AHNAK: variants seen among roughly 807,000 people sequenced by gnomAD.
The protein encoded by AHNAK is neuroblast differentiation-associated protein AHNAK.
A neutral mutation model predicts 37.8 loss-of-function variants in AHNAK; 23 were observed. The observed-to-expected ratio is 0.61, with a 90% CI of 0.44 to 0.86. The LOEUF (loss-of-function observed/expected upper bound fraction) is 0.86. Among genes scored for constraint, AHNAK ranks in the 40% least tolerant of loss-of-function variants. The pLI, the probability that AHNAK is intolerant of heterozygous loss-of-function variation, is 0.00. For synonymous variants in AHNAK, 2,481 were observed against 2,636.3 expected, an observed-to-expected ratio of 0.94 and a Z score of 1.80; for missense variants, 7,411 against 7,319.4, an observed-to-expected ratio of 1.01 and a Z score of -0.46.
rs1940780276 is a variant in AHNAK, at chr11:62,532,218, A to G, written c.2199T>C (p.Ile733=). Residue 733 remains isoleucine, a synonymous_variant, in exon 5 of 5, where the codon ATT becomes ATC. Coordinates refer to ENST00000378024, the MANE Select transcript of AHNAK (RefSeq NM_001620.3). ...EGELKGPKVD[I]DAPDVDVHGP... is the part of the protein sequence containing the mutation. The stretch of plus-strand genomic sequence containing the variant: ...CATGAACATCCACATCTGGGGCATC[A>G]ATGTCCACTTTTGGGCCTTTGAGTT... The G allele has an allele frequency of 6.2e-7, 1 of 1,613,650 alleles. No homozygotes were observed. The highest frequency in any genetic ancestry group is 1.3e-5 in the African/African-American group (1 of 74,742).
chr11:62,484,701 A>G (rs1939353150), intron 5 of AHNAK, among the ~76,000 whole-genome samples: 3 of 152,198 alleles, frequency 2.0e-5, no homozygotes, highest in Non-Finnish European at 1.5e-5. Context: ...GCACTTAAGC[A>G]TGCTTCCGAG....
At chr11:62,473,411 A>G (rs1295399075) in intron 5 of AHNAK, among the ~76,000 whole-genome samples, 1 of 133,564 alleles carries the variant, frequency 7.5e-6, no homozygotes, top group Non-Finnish European at 1.5e-5. Flanking sequence ...AAAAAAAAAA[A>G]AAGGCTGGGT....
intron 4 of AHNAK, 33 bp downstream of exon 4, chr11:62,534,970 C>T (rs752269729): frequency 3.1e-6 from 5 of 1,587,450 alleles, no homozygotes; most frequent in East Asian, 4.5e-5. Context: ...GCCGGGGGAG[C>T]TCAGGGCACA....
In AHNAK at chr11:62,530,374, A is replaced by G; in HGVS notation, c.4043T>C (p.Val1348Ala). ...ATCTGGCACTTTCATTTCACCTTCTACCTCAGGCAAGGACACATCCACATC... is the reference window on the plus strand; with the variant it reads ...ATCTGGCACTTTCATTTCACCTTCTGCCTCAGGCAAGGACACATCCACATC... Reference protein sequence around the residue: ...KGDVDVSLPEVEGEMKVPDVD... With the variant: ...KGDVDVSLPEAEGEMKVPDVD... Residue 1348 changes from valine to alanine, a missense_variant, in exon 5 of 5, where the codon GTA becomes GCA. Coordinates refer to ENST00000378024, the MANE Select transcript of AHNAK (RefSeq NM_001620.3). 1 of 1,613,886 alleles carries G rather than the reference A, an allele frequency of 6.2e-7. No individual in the cohort carries two copies. The highest frequency in any genetic ancestry group is 8.5e-7 in the Non-Finnish European group (1 of 1,179,992).
At position 62,532,982 on chromosome 11, in the gene AHNAK, G is replaced by T; in HGVS notation, c.1435C>A (p.Leu479Met). The T allele has an allele frequency of 6.2e-7, 1 of 1,613,998 alleles. No individual in the cohort carries two copies. Among genetic ancestry groups the T allele is most frequent in the Non-Finnish European group, 8.5e-7 (1 of 1,180,008 alleles). The change falls in exon 5 of 5, where the codon CTG (leucine) becomes ATG (methionine). Residue 479 changes from leucine (L) to methionine (M), a missense_variant. Transcript: ENST00000378024. ...VSLPEIATGG[L>M]EGKMKGTKVK... The stretch of plus-strand genomic sequence containing the variant: ...TTAGTACCTTTCATCTTTCCTTCCA[G>T]CCCACCAGTAGCAATCTCAGGCAGG...
chr11:62,458,685 T>C (rs1184445916), intron 5 of AHNAK, among the ~76,000 whole-genome samples: 1 of 152,154 alleles, frequency 6.6e-6, no homozygotes, highest in African/African-American at 2.4e-5. Flanking sequence ...ATAAACCTCT[T>C]GTGGACAGGA....
chr11:62,447,340 G>A (rs1938439707), intron 5 of AHNAK, among the ~76,000 whole-genome samples: 1 of 152,114 alleles, frequency 6.6e-6, no homozygotes, highest in Non-Finnish European at 1.5e-5. Flanking sequence ...CTTCTGCCCA[G>A]TGGGATCTAG....
downstream of AHNAK, among the ~76,000 whole-genome samples, chr11:62,513,807 G>A (rs1939958631): frequency 6.6e-6 from 1 of 152,176 alleles, no homozygotes; most frequent in Admixed American, 6.5e-5. Context: ...ACAGCTAGTT[G>A]CCTTGTCCCT....
At chr11:62,513,919 T>C (rs932864752), downstream of AHNAK, among the ~76,000 whole-genome samples, 2 of 152,148 alleles carry the variant, frequency 1.3e-5, no homozygotes, top group African/African-American at 4.8e-5. Context: ...TTGCCAGGGC[T>C]CAAGGCATTC....
intron 5 of AHNAK, among the ~76,000 whole-genome samples, chr11:62,482,328 T>C (rs1320653099): frequency 1.3e-5 from 2 of 151,914 alleles, no homozygotes; most frequent in African/African-American, 4.8e-5. Flanking sequence ...GGCAGGAGAA[T>C]CATTTGAGCC....
At position 62,522,591 on chromosome 11, in the gene AHNAK, C is replaced by T; in HGVS notation, c.11826G>A (p.Met3942Ile). 6.2e-7 allele frequency: 1 copy of T among 1,612,440 alleles called. No homozygotes were observed. The highest frequency in any genetic ancestry group is 1.1e-5 in the South Asian group (1 of 90,990). ...CTGGACCTTCTCCTTTGAAGCCAGG[C>T]ATGCTGATCTTGGGCATTTTTATCT... The part of the protein sequence containing the change: ...MPKIKMPKIS[M>I]PGFKGEGPEV... The change falls in exon 5 of 5, where the codon ATG becomes ATA. Residue 3942 changes from methionine (M) to isoleucine (I), a missense_variant. Transcript: ENST00000378024.
Position 62,521,966 on chromosome 11 carries a change from G to T in AHNAK, c.12451C>A (p.Leu4151Met). Residue 4151 changes from leucine (L) to methionine (M), a missense_variant, in exon 5 of 5, where the codon CTG (leucine) becomes ATG (methionine). Physicochemically the swap from Leu to Met is conservative, Grantham distance 15. Transcript: ENST00000378024. The stretch of plus-strand genomic sequence containing the variant: ...TTGAGGTCGCCTTCCACTTTGGGCA[G>T]AGAAACGTCCACGTCGCCCTTCATC... ...PKMKGDVDVSLPKVEGDLKGP... is the reference protein window; with the variant it reads ...PKMKGDVDVSMPKVEGDLKGP... The T allele has an allele frequency of 6.2e-7, 1 of 1,613,606 alleles. No individual in the cohort carries two copies. Among genetic ancestry groups the T allele is most frequent in the Non-Finnish European group, 8.5e-7 (1 of 1,179,926 alleles).
rs779455363 is a variant in AHNAK at position 62,533,868 on chromosome 11, C to T, written c.549G>A (p.Lys183=). 4 of 1,614,090 alleles carry T rather than the reference C, an allele frequency of 2.5e-6. No homozygotes were observed. The highest frequency in any genetic ancestry group is 1.6e-4 in the Middle Eastern group (1 of 6,084). ...TTTCAGTCAGTTCATGTCTTGGAAT[C>T]TTGATCTTGAATTCAGGGCTACTGA... is the stretch of plus-strand genomic sequence containing the variant. The part of the protein sequence containing the change: ...IDISSPEFKI[K]IPRHELTEIS... The change falls in exon 5 of 5, where the codon AAG becomes AAA. Residue 183 remains lysine, a synonymous_variant. Coordinates refer to ENST00000378024, the MANE Select transcript of AHNAK (RefSeq NM_001620.3).
At chr11:62,498,113 G>A (rs11231120) in intron 4 of AHNAK, among the ~76,000 whole-genome samples, 7,251 of 152,216 alleles carry the variant, frequency 0.048, 221 homozygotes, top group Middle Eastern at 0.095. Flanking sequence ...TCTCCAAAAC[G>A]TTAAGAGGGG....
chr11:62,533,499 A>T lies in AHNAK; in HGVS notation c.918T>A (p.Phe306Leu). ...LESGDHGKIKFPTMKVPKFGV... is the reference protein window; with the variant it reads ...LESGDHGKIKLPTMKVPKFGV... ...CAAATTTCGGCACTTTCATGGTGGGAAATTTAATTTTGCCATGATCACCAC... is the reference window on the plus strand; with the variant it reads ...CAAATTTCGGCACTTTCATGGTGGGTAATTTAATTTTGCCATGATCACCAC... Residue 306 changes from phenylalanine (F) to leucine (L), a missense_variant, in exon 5 of 5, where the codon TTT (phenylalanine) becomes TTA (leucine). By Grantham distance (22) the Phe-to-Leu change is conservative. Coordinates refer to ENST00000378024, the MANE Select transcript of AHNAK (RefSeq NM_001620.3). 1 of 1,614,090 alleles carries T rather than the reference A, an allele frequency of 6.2e-7. No homozygotes were observed. The highest frequency in any genetic ancestry group is 1.1e-5 in the South Asian group (1 of 91,070).
intron 4 of AHNAK, among the ~76,000 whole-genome samples, chr11:62,504,503 G>C (rs1019419222): frequency 6.6e-6 from 1 of 152,060 alleles, no homozygotes; most frequent in Admixed American, 6.6e-5. Context: ...GTTGTGAGCC[G>C]AACTTGCAAT....
intron 5 of AHNAK, among the ~76,000 whole-genome samples, chr11:62,459,279 T>C (rs1184061884): frequency 6.6e-6 from 1 of 152,204 alleles, no homozygotes; most frequent in East Asian, 1.9e-4. Flanking sequence ...CACAGGGAAC[T>C]GACTCAGGGC....
At position 62,522,551 on chromosome 11, in the gene AHNAK, G is replaced by A. The variant is rs746678560; in HGVS notation, c.11866C>T (p.Leu3956=). 4.3e-6 allele frequency: 7 copies of A among 1,612,290 alleles called. No homozygotes were observed. Among genetic ancestry groups the A allele is most frequent in the East Asian group, 2.2e-5 (1 of 44,762 alleles). The change falls in exon 5 of 5, where the codon CTG becomes TTG. Residue 3956 remains leucine (L), a synonymous_variant. Coordinates refer to ENST00000378024, the MANE Select transcript of AHNAK (RefSeq NM_001620.3). The part of the protein sequence containing the change: ...KGEGPEVDVN[L]PKADLDVSGP... ...GAGACGTCAAGGTCAGCCTTGGGCA[G>A]GTTCACATCCACTTCTGGACCTTCT... is the stretch of plus-strand genomic sequence containing the variant.
At chr11:62,504,425 C>T (rs1048769448) in intron 4 of AHNAK, among the ~76,000 whole-genome samples, 7 of 152,088 alleles carry the variant, frequency 4.6e-5, no homozygotes, top group Non-Finnish European at 8.8e-5. Flanking sequence ...TTTAGACAAT[C>T]CGCACTGGCT....
Sources: allele counts gnomAD v4.1 joint callset (sites outside exome capture counted in the v4.1 genomes callset), GRCh38; gene constraint gnomAD v4.1.1; transcripts MANE v1.5; gene names NCBI Gene and HGNC (gene_info 2026-07-23, HGNC 2026-07-21).